KCNMA1: variants seen among roughly 807,000 people sequenced by gnomAD.
KCNMA1 encodes potassium calcium-activated channel subfamily M alpha 1.
Under a neutral mutation model 140.0 loss-of-function variants are expected in KCNMA1, and 29 were observed. That is an observed-to-expected ratio of 0.21 (90% CI 0.15 to 0.28). The LOEUF is 0.28. Ranked by LOEUF, KCNMA1 falls within the 10% of genes least tolerant of loss-of-function variation. KCNMA1 has a pLI of 1.00. For synonymous variants in KCNMA1, 612 were observed against 611.9 expected, an observed-to-expected ratio of 1.00 and a Z score of 0.00; for missense variants, 880 against 1,602.2, an observed-to-expected ratio of 0.55 and a Z score of 7.70.
intron 3 of KCNMA1, among the ~76,000 whole-genome samples, chr10:77,244,867 A>C (rs1599818557): frequency 6.6e-6 from 1 of 152,144 alleles, no homozygotes; most frequent in African/African-American, 2.4e-5. Context: ...CTTCTCTTCC[A>C]CCATCCCTGA....
chr10:77,231,277 A>G (rs2053491591), intron 3 of KCNMA1, among the ~76,000 whole-genome samples: 1 of 152,192 alleles, frequency 6.6e-6, no homozygotes, highest in Non-Finnish European at 1.5e-5. Context: ...TTTCCACTGA[A>G]CAAATTGAGT....
intron 13 of KCNMA1, among the ~76,000 whole-genome samples, chr10:77,073,809 C>G (rs1313133355): frequency 6.6e-6 from 1 of 152,152 alleles, no homozygotes; most frequent in Non-Finnish European, 1.5e-5. Context: ...GGAGGTGACG[C>G]TGACGCTGTT....
chr10:76,936,064 T>C (rs1378417323), intron 23 of KCNMA1, among the ~76,000 whole-genome samples: 1 of 152,350 alleles, frequency 6.6e-6, no homozygotes, highest in East Asian at 1.9e-4. Context: ...TCTCATGTGA[T>C]GAAATATGCT....
At chr10:77,447,160 G>A (rs968136192) in intron 1 of KCNMA1, among the ~76,000 whole-genome samples, 1 of 152,222 alleles carries the variant, frequency 6.6e-6, no homozygotes, top group African/African-American at 2.4e-5. Flanking sequence ...TGCATCTGGT[G>A]ACAGAGTGAG....
At chr10:77,064,888 A>T (rs143864545) in intron 14 of KCNMA1, among the ~76,000 whole-genome samples, 1 of 152,358 alleles carries the variant, frequency 6.6e-6, no homozygotes, top group East Asian at 1.9e-4. Context: ...AACCAAATCT[A>T]ACCAGCCTCT....
chr10:76,937,081 G>C (rs1008405127), intron 23 of KCNMA1, among the ~76,000 whole-genome samples: 13 of 152,312 alleles, frequency 8.5e-5, no homozygotes, highest in South Asian at 6.2e-4. Flanking sequence ...CCATCACAAA[G>C]AGCGTGTCAG....
chr10:77,413,280 T>C (rs1451530228), intron 1 of KCNMA1, among the ~76,000 whole-genome samples: 1 of 152,130 alleles, frequency 6.6e-6, no homozygotes, highest in Non-Finnish European at 1.5e-5. Flanking sequence ...CTGGGGCTGC[T>C]GGTCCCTCCC....
intron 10 of KCNMA1, among the ~76,000 whole-genome samples, chr10:77,087,801 C>T (rs188015625): frequency 1.5e-4 from 23 of 152,254 alleles, no homozygotes; most frequent in African/African-American, 5.5e-4. Flanking sequence ...ACCTACTATA[C>T]GCCAGGTACC....
At position 77,110,361 on chromosome 10, in the gene KCNMA1, G is replaced by A. The variant is rs1294458404; in HGVS notation, c.961-18C>T. ...TTCTCCACCTAAAGCAAATGGGACA[G>A]GGGAGAAAAAAGAAAAACATGCTAT... On this transcript the variant is annotated intron_variant, in intron 7 of 27. Coordinates refer to ENST00000286628, the MANE Select transcript of KCNMA1 (RefSeq NM_001161352.2). The A allele has an allele frequency of 1.9e-6, 3 of 1,610,414 alleles. No homozygotes were observed. Among genetic ancestry groups the A allele is most frequent in the Admixed American group, 3.3e-5 (2 of 60,014 alleles).
At chr10:77,577,918 C>G (rs1292062790) in intron 1 of KCNMA1, among the ~76,000 whole-genome samples, 2 of 152,226 alleles carry the variant, frequency 1.3e-5, no homozygotes, top group Non-Finnish European at 2.9e-5. Flanking sequence ...TCTGCAGGTA[C>G]CTTGATAAAC....
At chr10:77,018,182 G>C (rs932184554) in intron 17 of KCNMA1, among the ~76,000 whole-genome samples, 5 of 152,104 alleles carry the variant, frequency 3.3e-5, no homozygotes, top group African/African-American at 1.2e-4. Context: ...CCTAGAACAG[G>C]CCTGGCTTTG....
At chr10:77,163,722 C>T (rs920508320) in intron 5 of KCNMA1, among the ~76,000 whole-genome samples, 2 of 152,140 alleles carry the variant, frequency 1.3e-5, no homozygotes, top group African/African-American at 4.8e-5. Context: ...GATGGTTATG[C>T]TAATTACTAA....
chr10:77,491,744 CA>C (rs2039980776), intron 1 of KCNMA1, among the ~76,000 whole-genome samples: 1 of 144,454 alleles, frequency 6.9e-6, no homozygotes, highest in Non-Finnish European at 1.5e-5. Context: ...CACACACACA[CA>C]CACACACACC....
At chr10:77,233,815 C>T (rs1396782451) in intron 3 of KCNMA1, among the ~76,000 whole-genome samples, 2 of 152,150 alleles carry the variant, frequency 1.3e-5, no homozygotes, top group Non-Finnish European at 2.9e-5. Context: ...GGCGAGGTGC[C>T]CCCAACCCCT....
At chr10:76,982,821 T>A (rs2079966676) in intron 19 of KCNMA1, among the ~76,000 whole-genome samples, 1 of 152,154 alleles carries the variant, frequency 6.6e-6, no homozygotes, top group South Asian at 2.1e-4. Context: ...CTTTCCAAGG[T>A]AAGAAACACA....
intron 1 of KCNMA1, among the ~76,000 whole-genome samples, chr10:77,566,336 G>C (rs1478162209): frequency 1.3e-5 from 2 of 152,228 alleles, no homozygotes; most frequent in African/African-American, 4.8e-5. Flanking sequence ...CACCTGAAAA[G>C]TCCCTCGGCA....
At chr10:77,440,636 TTCA>T (rs2097374961) in intron 1 of KCNMA1, among the ~76,000 whole-genome samples, 1 of 152,178 alleles carries the variant, frequency 6.6e-6, no homozygotes, top group Non-Finnish European at 1.5e-5. Context: ...AATGAAAGTG[TTCA>T]GACAAAATTG....
chr10:77,632,101 A>C (rs777509278), intron 1 of KCNMA1, among the ~76,000 whole-genome samples: 4 of 152,200 alleles, frequency 2.6e-5, no homozygotes, highest in Non-Finnish European at 5.9e-5. Context: ...CACAGGTAGC[A>C]CATTTGAGGG....
At chr10:77,452,804 C>G (rs1427119338) in intron 1 of KCNMA1, among the ~76,000 whole-genome samples, 1 of 152,160 alleles carries the variant, frequency 6.6e-6, no homozygotes, top group Non-Finnish European at 1.5e-5. Flanking sequence ...GATCCTTTAT[C>G]TTGTGTCTGA....
Sources: gnomAD v4.1 joint callset for allele counts (sites outside exome capture counted in the v4.1 genomes callset) on GRCh38, gnomAD v4.1.1 for gene constraint, MANE v1.5 for transcripts, NCBI Gene and HGNC (gene_info 2026-07-23, HGNC 2026-07-21) for gene names.